Variants in KCNQ3 observed in about 807,000 individuals in gnomAD.
The protein encoded by KCNQ3 is potassium voltage-gated channel subfamily Q member 3, also known as potassium voltage-gated channel subfamily KQT member 3.
In KCNQ3, 30 loss-of-function variants were observed where a neutral mutation model predicts 92.5. That is an observed-to-expected ratio of 0.32 (90% CI 0.24 to 0.44). The LOEUF (loss-of-function observed/expected upper bound fraction) is 0.44. KCNQ3 is among the 20% of genes least tolerant of loss of function. The pLI, the probability that KCNQ3 is intolerant of heterozygous loss-of-function variation, is 1.00. For missense variants in KCNQ3, 913 were observed against 1,140.3 expected, an observed-to-expected ratio of 0.80 and a Z score of 2.87; for synonymous variants, 450 against 468.8, an observed-to-expected ratio of 0.96 and a Z score of 0.52.
At chr8:132,253,019 C>T (rs1379160188) in intron 1 of KCNQ3, among the ~76,000 whole-genome samples, 1 of 152,162 alleles carries the variant, frequency 6.6e-6, no homozygotes, top group Non-Finnish European at 1.5e-5. Flanking sequence ...ACATTTCCAC[C>T]ATTTCTGGAA....
At chr8:132,390,965 C>T (rs766118793) in intron 1 of KCNQ3, among the ~76,000 whole-genome samples, 1 of 152,144 alleles carries the variant, frequency 6.6e-6, no homozygotes, top group South Asian at 2.1e-4. Flanking sequence ...AACTAGGATG[C>T]CCCTCAGCTC....
At chr8:132,273,063 G>A (rs1015361896) in intron 1 of KCNQ3, among the ~76,000 whole-genome samples, 2 of 152,104 alleles carry the variant, frequency 1.3e-5, no homozygotes, top group Non-Finnish European at 2.9e-5. Flanking sequence ...CTGGGGTCTG[G>A]AGGATGGCGG....
chr8:132,390,369 G>C (rs1323199122), intron 1 of KCNQ3, among the ~76,000 whole-genome samples: 1 of 152,156 alleles, frequency 6.6e-6, no homozygotes, highest in Non-Finnish European at 1.5e-5. Flanking sequence ...TACTGGCAAT[G>C]GTCTTGCTCC....
intron 1 of KCNQ3, among the ~76,000 whole-genome samples, chr8:132,384,121 T>C (rs1447643459): frequency 2.6e-5 from 4 of 152,184 alleles, no homozygotes; most frequent in Non-Finnish European, 5.9e-5. Context: ...TTCTCTGCCC[T>C]AAGACCTGCC....
chr8:132,290,174 GA>G (rs1450601475), intron 1 of KCNQ3, among the ~76,000 whole-genome samples: 1 of 152,156 alleles, frequency 6.6e-6, no homozygotes, highest in Non-Finnish European at 1.5e-5. Context: ...TAATACTCCT[GA>G]CATGGAAAGC....
intron 1 of KCNQ3, among the ~76,000 whole-genome samples, chr8:132,229,987 G>A (rs1404502098): frequency 1.3e-5 from 2 of 152,142 alleles, no homozygotes; most frequent in Non-Finnish European, 2.9e-5. Flanking sequence ...CAGAAGGAAG[G>A]GCAGGATGGG....
At chr8:132,386,247 G>C (rs1819888673) in intron 1 of KCNQ3, among the ~76,000 whole-genome samples, 1 of 151,990 alleles carries the variant, frequency 6.6e-6, no homozygotes, top group Non-Finnish European at 1.5e-5. Context: ...AAGGAGGCTA[G>C]ATTAAAATAA....
chr8:132,196,516 A>G (rs1051158515), intron 1 of KCNQ3, among the ~76,000 whole-genome samples: 1 of 152,208 alleles, frequency 6.6e-6, no homozygotes, highest in African/African-American at 2.4e-5. Context: ...TTGTAAGCCA[A>G]TCTGGAGAAG....
intron 1 of KCNQ3, among the ~76,000 whole-genome samples, chr8:132,203,561 G>A (rs1338180448): frequency 6.6e-6 from 1 of 152,180 alleles, no homozygotes; most frequent in Admixed American, 6.5e-5. Flanking sequence ...GCTGACAAAG[G>A]CATGCTCCCT....
chr8:132,276,562 C>A (rs948602139), intron 1 of KCNQ3, among the ~76,000 whole-genome samples: 1 of 152,152 alleles, frequency 6.6e-6, no homozygotes, highest in Admixed American at 6.5e-5. Context: ...TTCCAGGCAG[C>A]GATGGGTATT....
At chr8:132,356,155 G>A (rs914947763) in intron 1 of KCNQ3, among the ~76,000 whole-genome samples, 7 of 152,170 alleles carry the variant, frequency 4.6e-5, no homozygotes. Flanking sequence ...CTGAGTGGAG[G>A]CTCCATGAAT....
intron 1 of KCNQ3, among the ~76,000 whole-genome samples, chr8:132,451,929 A>C (rs1441999522): frequency 1.3e-5 from 2 of 152,074 alleles, no homozygotes; most frequent in Non-Finnish European, 2.9e-5. Flanking sequence ...GAAAAATGGG[A>C]CATTTTCAAA....
intron 5 of KCNQ3, among the ~76,000 whole-genome samples, chr8:132,175,140 C>A (rs1203306110): frequency 2.6e-5 from 4 of 152,216 alleles, no homozygotes; most frequent in African/African-American, 4.8e-5. Flanking sequence ...GTGTATCTGT[C>A]ACTGGGTTTG....
chr8:132,427,572 C>T (rs1052760639), intron 1 of KCNQ3, among the ~76,000 whole-genome samples: 1 of 152,202 alleles, frequency 6.6e-6, no homozygotes, highest in Non-Finnish European at 1.5e-5. Flanking sequence ...CTGTAAGCTG[C>T]ATTTGCTCTC....
At chr8:132,432,288 C>G (rs1821272844) in intron 1 of KCNQ3, among the ~76,000 whole-genome samples, 1 of 151,076 alleles carries the variant, frequency 6.6e-6, no homozygotes, top group Non-Finnish European at 1.5e-5. Context: ...CATGGCAACT[C>G]AACTCTCCAG....
At chr8:132,185,151 A>T (rs1293678034) in intron 2 of KCNQ3, among the ~76,000 whole-genome samples, 1 of 152,168 alleles carries the variant, frequency 6.6e-6, no homozygotes, top group African/African-American at 2.4e-5. Context: ...TTCCACACTG[A>T]GGTCTGAGCT....
intron 1 of KCNQ3, among the ~76,000 whole-genome samples, chr8:132,261,585 A>ATG (rs1204564066): frequency 6.6e-6 from 1 of 152,198 alleles, no homozygotes; most frequent in African/African-American, 2.4e-5. Flanking sequence ...AGGTGGCAGA[A>ATG]TGTGTGGGTG....
At chr8:132,172,494 A>T in intron 7 of KCNQ3, 104 bp downstream of exon 7, 1 of 1,021,946 alleles carries the variant, frequency 9.8e-7, no homozygotes. Context: ...GTTCATGAGT[A>T]TGTCCCCTCC....
chr8:132,329,648 C>T (rs189486102), intron 1 of KCNQ3, among the ~76,000 whole-genome samples: 17 of 152,328 alleles, frequency 1.1e-4, no homozygotes, highest in African/African-American at 4.1e-4. Flanking sequence ...CATGCCAAGC[C>T]TCTGCGAGAA....
Sources: gnomAD v4.1 joint callset for allele counts (sites outside exome capture counted in the v4.1 genomes callset) on GRCh38, gnomAD v4.1.1 for gene constraint, MANE v1.5 for transcripts, NCBI Gene and HGNC (gene_info 2026-07-23, HGNC 2026-07-21) for gene names.